Variants in RERE observed in about 807,000 individuals in gnomAD.
The protein encoded by RERE is arginine-glutamic acid dipeptide repeats protein.
In RERE, 40 loss-of-function variants were observed where a neutral mutation model predicts 146.1. That is an observed-to-expected ratio of 0.27 (90% CI 0.21 to 0.36). RERE has a LOEUF of 0.36. Ranked by LOEUF, RERE falls within the 10% of genes least tolerant of loss-of-function variation. The probability of loss-of-function intolerance (pLI) is 1.00; values close to 1 mark genes in which losing one functional copy is unlikely to be tolerated. For missense variants in RERE, 1,933 were observed against 2,138.7 expected (o/e 0.90, Z 1.90); for synonymous variants, 1,003 against 866.0 (o/e 1.16, Z -2.78).
At chr1:8,457,004 G>A (rs1286312971) in intron 11 of RERE, among the ~76,000 whole-genome samples, 1 of 152,160 alleles carries the variant, frequency 6.6e-6, no homozygotes, top group Non-Finnish European at 1.5e-5. Context: ...CTCCATGAAG[G>A]CAGAGAATTT....
intron 2 of RERE, among the ~76,000 whole-genome samples, chr1:8,626,130 T>C (rs1015989616): frequency 6.6e-6 from 1 of 152,200 alleles, no homozygotes; most frequent in African/African-American, 2.4e-5. Context: ...AAGAGAATTC[T>C]TCCCACCACA....
chr1:8,623,264 T>C (rs894853502), intron 3 of RERE, among the ~76,000 whole-genome samples: 10 of 152,042 alleles, frequency 6.6e-5, no homozygotes, highest in African/African-American at 2.4e-4. Context: ...CTGGCCAACA[T>C]GGTGAAACCC....
chr1:8,480,822 A>C (rs1358006868), intron 10 of RERE, among the ~76,000 whole-genome samples: 1 of 152,226 alleles, frequency 6.6e-6, no homozygotes. Flanking sequence ...TATAGGCTCA[A>C]ATATGTTAAA....
intron 4 of RERE, among the ~76,000 whole-genome samples, chr1:8,612,113 A>C (rs1325907604): frequency 2.0e-5 from 3 of 152,242 alleles, no homozygotes; most frequent in Admixed American, 2.0e-4. Flanking sequence ...TGAATATGCA[A>C]AGAAAGTTAA....
At chr1:8,758,301 C>A (rs1640685366) in intron 1 of RERE, among the ~76,000 whole-genome samples, 1 of 151,748 alleles carries the variant, frequency 6.6e-6, no homozygotes, top group African/African-American at 2.4e-5. Context: ...CCAGGCTGGT[C>A]TCGATCTCCT....
At position 8,423,615 on chromosome 1, in the gene RERE, G is replaced by C. The variant is rs1643949403; in HGVS notation, c.1204-808C>G. On this transcript the variant is annotated intron_variant, in intron 11 of 22. Transcript: ENST00000400908. This position sits in a 1 kb window ranked among gnomAD's most constrained non-coding sequence, Gnocchi z 5.4. ...CCGACCCCAGCAGCCACAGGTAAGC[G>C]CCCGGGGTCCGGGGCGGCAAGAGGC... 1.0e-6 allele frequency: 1 copy of C among 985,060 alleles called. No homozygotes were observed. The highest frequency in any genetic ancestry group is 1.2e-6 in the Non-Finnish European group (1 of 829,866). 61.0% of individuals were successfully genotyped at this position (985,060 alleles called of 1,614,324 possible).
rs1170299954 is a variant in RERE, at chr1:8,500,961, C to A, written c.880-3432G>T. On this transcript the variant is annotated intron_variant, in intron 8 of 22. Coordinates refer to ENST00000400908, the MANE Select transcript of RERE (RefSeq NM_001042681.2). ...ACCGCCCCGTCTGAGAAGTGAGGAGCCCCTCCATCCGGCAGCCACCCCGTC... is the reference window on the plus strand; with the variant it reads ...ACCGCCCCGTCTGAGAAGTGAGGAGACCCTCCATCCGGCAGCCACCCCGTC... Among the ~76,000 whole-genome samples the A allele has an allele frequency of 3.4e-5, 5 of 148,696 alleles. No individual in the cohort carries two copies. The South Asian group carries it at 8.5e-4, about 25-fold the overall frequency.
chr1:8,751,014 T>C (rs1381659337), intron 1 of RERE: 15 of 637,120 alleles, frequency 2.4e-5, no homozygotes, highest in South Asian at 5.6e-5. Context: ...ATCTAAACTA[T>C]TGGAAAATGC....
At chr1:8,813,614 CTTTTTTTTTT>C (rs34918730) in intron 1 of RERE, among the ~76,000 whole-genome samples, 3 of 121,152 alleles carry the variant, frequency 2.5e-5, no homozygotes, top group African/African-American at 6.2e-5. Context: ...CTATTTTTTC[CTTTTTTTTTT>C]TTTTTTTTTA....
At chr1:8,602,340 G>A (rs1406482850) in intron 4 of RERE, among the ~76,000 whole-genome samples, 1 of 151,018 alleles carries the variant, frequency 6.6e-6, no homozygotes, top group African/African-American at 2.4e-5. Flanking sequence ...GCAGTGAGCT[G>A]AGACTGCGCC....
chr1:8,386,498 C>T (rs1435674661), intron 12 of RERE, among the ~76,000 whole-genome samples: 1 of 147,142 alleles, frequency 6.8e-6, no homozygotes, highest in Non-Finnish European at 1.5e-5. Context: ...AAGACAGAAT[C>T]CCAAACAGCC....
intron 12 of RERE, chr1:8,380,820 A>G (rs1327260157): frequency 2.2e-6 from 1 of 456,746 alleles, no homozygotes; most frequent in South Asian, 1.5e-5. Context: ...TGAAGGAACC[A>G]AAGTCAGGGC....
At chr1:8,779,710 T>C (rs1002311360) in intron 1 of RERE, among the ~76,000 whole-genome samples, 1 of 152,104 alleles carries the variant, frequency 6.6e-6, no homozygotes, top group African/African-American at 2.4e-5. Context: ...GATTTTTTTC[T>C]ATTTATTCAT....
At chr1:8,429,875 CGAG>C (rs2124481056) in intron 11 of RERE, 1 of 152,562 alleles carries the variant, frequency 6.6e-6, no homozygotes, top group East Asian at 1.9e-4. Context: ...ACAGCTCCCC[CGAG>C]GAGACACACA....
intron 1 of RERE, among the ~76,000 whole-genome samples, chr1:8,669,654 C>T (rs116075811): frequency 3.9e-5 from 6 of 152,230 alleles, no homozygotes; most frequent in East Asian, 1.9e-4. Context: ...TTTTATTTCA[C>T]GTAATGCTGA....
At chr1:8,458,357 T>A (rs1015490624) in intron 11 of RERE, among the ~76,000 whole-genome samples, 3 of 152,108 alleles carry the variant, frequency 2.0e-5, no homozygotes, top group African/African-American at 7.2e-5. Context: ...CCCACTGCTC[T>A]AGTATTTATT....
In RERE at chr1:8,653,757, C is replaced by T. The variant is rs1442953465; in HGVS notation, c.325+2216G>A. ...GTTCCTTTCCCATGATTTAGATGTG[C>T]GTACGCCCTAAACAAGCAATCTGTG... On this transcript the variant is annotated intron_variant, in intron 2 of 22. Transcript: ENST00000400908. Among the ~76,000 whole-genome samples, 5 of 150,310 alleles carry T rather than the reference C, an allele frequency of 3.3e-5. No homozygotes were observed. In the East Asian group the frequency reaches 5.9e-4, roughly 18 times the overall value.
In RERE at chr1:8,548,244, C is replaced by T. The variant is rs146099845; in HGVS notation, c.726-6926G>A. On this transcript the variant is annotated intron_variant, in intron 6 of 22. Coordinates refer to ENST00000400908, the MANE Select transcript of RERE (RefSeq NM_001042681.2). ...GTAACCTAGAGCAGCAAGGTGGGAGCGAAGAGGGAAAGAAGTAGAGGATGG... is the reference window on the plus strand; with the variant it reads ...GTAACCTAGAGCAGCAAGGTGGGAGTGAAGAGGGAAAGAAGTAGAGGATGG... 1.2e-3 allele frequency among the ~76,000 whole-genome samples: 178 copies of T among 152,076 alleles called. 2 individuals carry two copies. The highest frequency in any genetic ancestry group is 3.9e-3 in the African/African-American group (162 of 41,480).
rs562078426 is a variant in RERE, at chr1:8,370,525, AAAC to A, written c.1285-4554_1285-4552del. On this transcript the variant is annotated intron_variant, in intron 12 of 22. Coordinates refer to ENST00000400908, the MANE Select transcript of RERE (RefSeq NM_001042681.2). Reference sequence around the variant, plus strand: ...AGGTTACGTCAATAAAGCTGAAGAAAAACAACAACAAATCCAGGCCGGGTTTTA... The same window carrying A: ...AGGTTACGTCAATAAAGCTGAAGAAAAACAACAAATCCAGGCCGGGTTTTA... 1.5e-3 allele frequency among the ~76,000 whole-genome samples: 235 copies of A among 152,320 alleles called. 1 individual carries two copies. The highest frequency in any genetic ancestry group is 4.9e-3 in the African/African-American group (204 of 41,570).
Sources: allele counts gnomAD v4.1 joint callset (sites outside exome capture counted in the v4.1 genomes callset), GRCh38; gene constraint gnomAD v4.1.1; non-coding constraint Gnocchi (gnomAD v3.1); transcripts MANE v1.5; gene names NCBI Gene and HGNC (gene_info 2026-07-23, HGNC 2026-07-21).